The following ADAM23 variants were observed in gnomAD, a reference collection of about 807,000 sequenced individuals.
The protein encoded by ADAM23 is ADAM metallopeptidase domain 23.
In ADAM23, 33 loss-of-function variants were observed where a neutral mutation model predicts 120.1. That is an observed-to-expected ratio of 0.27 (90% CI 0.21 to 0.37). The LOEUF (loss-of-function observed/expected upper bound fraction) is 0.37, where lower values mean the gene tolerates loss of function less well. Ranked by LOEUF, ADAM23 falls within the 10% of genes least tolerant of loss-of-function variation. The probability of loss-of-function intolerance (pLI) is 1.00; values close to 1 mark genes in which losing one functional copy is unlikely to be tolerated. For missense variants in ADAM23, 862 were observed against 1,058.2 expected, an observed-to-expected ratio of 0.81 and a Z score of 2.57; for synonymous variants, 367 against 375.2, an observed-to-expected ratio of 0.98 and a Z score of 0.25.
intron 24 of ADAM23, chr2:206,606,839 G>A (rs1698737775): frequency 1.3e-5 from 2 of 152,082 alleles, no homozygotes; most frequent in African/African-American, 4.8e-5. Flanking sequence ...AGTCTTTTCT[G>A]TCTACTGTGG....
chr2:206,544,066 C>T (rs1574524166), intron 6 of ADAM23, among the ~76,000 whole-genome samples: 1 of 152,188 alleles, frequency 6.6e-6, no homozygotes, highest in South Asian at 2.1e-4. Context: ...GAAATCACCA[C>T]TAAAGAACTT....
At chr2:206,562,132 A>G (rs560274594) in intron 12 of ADAM23, 71 bp from the exon 13 acceptor site, 3 of 1,322,956 alleles carry the variant, frequency 2.3e-6, no homozygotes, top group East Asian at 2.3e-5. Flanking sequence ...TGTGGTAACA[A>G]TTAAGAAATA....
intron 3 of ADAM23, among the ~76,000 whole-genome samples, chr2:206,510,637 CT>C (rs1170508776): frequency 6.6e-6 from 1 of 152,170 alleles, no homozygotes; most frequent in Non-Finnish European, 1.5e-5. Context: ...CTGAGAAAGA[CT>C]TTTGAGTGTT....
At chr2:206,609,875 T>C (rs1449864458) in intron 24 of ADAM23, 35 bp from the exon 25 acceptor site, 1 of 1,568,606 alleles carries the variant, frequency 6.4e-7, no homozygotes, top group African/African-American at 1.4e-5. Flanking sequence ...AGTGGTTGGT[T>C]CATATGACTC....
intron 25 of ADAM23, among the ~76,000 whole-genome samples, chr2:206,611,154 T>G (rs987399716): frequency 3.3e-5 from 5 of 152,238 alleles, no homozygotes; most frequent in Admixed American, 2.0e-4. Flanking sequence ...TGTTATCATA[T>G]TAAGATTTAT....
chr2:206,454,915 T>C (rs1480520687), intron 2 of ADAM23, among the ~76,000 whole-genome samples: 2 of 152,238 alleles, frequency 1.3e-5, no homozygotes, highest in Admixed American at 1.3e-4. Flanking sequence ...TTTCATGGGC[T>C]GGCATTGAGT....
chr2:206,479,464 A>G (rs1228228159), intron 2 of ADAM23, among the ~76,000 whole-genome samples: 1 of 152,204 alleles, frequency 6.6e-6, no homozygotes. Flanking sequence ...TTAAGGATTT[A>G]TCTTATTCTT....
At chr2:206,508,511 C>T (rs565661034) in intron 3 of ADAM23, among the ~76,000 whole-genome samples, 1 of 151,964 alleles carries the variant, frequency 6.6e-6, no homozygotes, top group African/African-American at 2.4e-5. Context: ...CAAAAATTAG[C>T]CGGGCGTGGT....
chr2:206,575,290 A>ATTTCATTCTACC (rs964503344), intron 18 of ADAM23, among the ~76,000 whole-genome samples: 2 of 152,170 alleles, frequency 1.3e-5, no homozygotes, highest in African/African-American at 4.8e-5. Flanking sequence ...AGAATTTTAG[A>ATTTCATTCTACC]TTTCATTCTA....
At chr2:206,581,647 T>C (rs1438960755) in intron 18 of ADAM23, among the ~76,000 whole-genome samples, 1 of 152,208 alleles carries the variant, frequency 6.6e-6, no homozygotes, top group African/African-American at 2.4e-5. Context: ...TATCATATGG[T>C]CTATCTTGGA....
intron 2 of ADAM23, among the ~76,000 whole-genome samples, chr2:206,467,757 C>T (rs1475256264): frequency 6.6e-6 from 1 of 152,228 alleles, no homozygotes; most frequent in African/African-American, 2.4e-5. Flanking sequence ...CTGCACTTCC[C>T]TACTAGAGGT....
intron 18 of ADAM23, among the ~76,000 whole-genome samples, chr2:206,575,082 A>G (rs1698085758): frequency 6.6e-6 from 1 of 152,176 alleles, no homozygotes; most frequent in Non-Finnish European, 1.5e-5. Context: ...GATGTGATAG[A>G]TAGGGTGATC....
At chr2:206,569,008 A>T (rs1162826683) in intron 15 of ADAM23, among the ~76,000 whole-genome samples, 1 of 152,224 alleles carries the variant, frequency 6.6e-6, no homozygotes, top group African/African-American at 2.4e-5. Context: ...CCTGCCTTTC[A>T]TAACGTTGAT....
intron 25 of ADAM23, among the ~76,000 whole-genome samples, chr2:206,612,827 A>G (rs1296711962): frequency 6.6e-6 from 1 of 152,204 alleles, no homozygotes; most frequent in Non-Finnish European, 1.5e-5. Context: ...TGTGTGTGTG[A>G]AGTGATAATA....
intron 3 of ADAM23, among the ~76,000 whole-genome samples, chr2:206,505,768 C>T (rs1696485085): frequency 2.0e-5 from 3 of 152,144 alleles, no homozygotes. Flanking sequence ...CTATTATTAT[C>T]CCCGTTTGCA....
Position 206,557,440 on chromosome 2 carries a change from G to A in ADAM23, c.947G>A (p.Arg316His), listed in dbSNP as rs778780969. 8 of 1,612,964 alleles carry A rather than the reference G, an allele frequency of 5.0e-6. No individual in the cohort carries two copies. The highest frequency in any genetic ancestry group is 1.3e-5 in the African/African-American group (1 of 74,838). Reference sequence around the variant, plus strand: ...TTTCCCCCCTAGTATAAGAAGCATCGCTCTTCTCATGCACATACCAACAAC... The same window carrying A: ...TTTCCCCCCTAGTATAAGAAGCATCACTCTTCTCATGCACATACCAACAAC... Reference protein sequence around the residue: ...VNDHKTYKKHRSSHAHTNNFA... With the variant: ...VNDHKTYKKHHSSHAHTNNFA... Residue 316 changes from arginine to histidine, a missense_variant, in exon 10 of 26, where the codon CGC (arginine) becomes CAC (histidine). Arg to His is a conservative substitution (Grantham distance 29). This residue lies in a region of ADAM23 where 617 missense variants were observed against 813.5 expected (regional missense o/e 0.76). Transcript: ENST00000264377.
intron 2 of ADAM23, among the ~76,000 whole-genome samples, chr2:206,474,037 A>AC (rs397978646): frequency 6.6e-6 from 1 of 151,212 alleles, no homozygotes; most frequent in African/African-American, 2.4e-5. Context: ...AAAAAAAAAA[A>AC]CCAGAAAAAC....
At chr2:206,511,033 C>G (rs908329978) in intron 3 of ADAM23, among the ~76,000 whole-genome samples, 4 of 152,040 alleles carry the variant, frequency 2.6e-5, no homozygotes, top group African/African-American at 7.2e-5. Flanking sequence ...GAGTACCTAC[C>G]AACAAGATGT....
At chr2:206,579,445 T>G (rs892454565) in intron 18 of ADAM23, among the ~76,000 whole-genome samples, 2 of 152,212 alleles carry the variant, frequency 1.3e-5, no homozygotes, top group Non-Finnish European at 2.9e-5. Flanking sequence ...TTCATTCTCC[T>G]ACATGTGGCT....
Sources: gnomAD v4.1 joint callset for allele counts (sites outside exome capture counted in the v4.1 genomes callset) on GRCh38, gnomAD v4.1.1 for gene constraint, gnomAD v4.1.1 regional missense constraint, MANE v1.5 for transcripts, NCBI Gene and HGNC (gene_info 2026-07-23, HGNC 2026-07-21) for gene names.